CYP20A1: variants seen among roughly 807,000 people sequenced by gnomAD.
CYP20A1 encodes cytochrome P450 20A1.
A neutral mutation model predicts 61.4 loss-of-function variants in CYP20A1; 61 were observed. The observed-to-expected ratio is 0.99, with a 90% CI of 0.81 to 1.23. CYP20A1 has a LOEUF of 1.23. Among genes scored for constraint, CYP20A1 ranks in the 50% most tolerant of loss-of-function variants. The probability of loss-of-function intolerance (pLI) is 0.00; values close to 1 mark genes in which losing one functional copy is unlikely to be tolerated. For synonymous variants in CYP20A1, 193 were observed against 188.2 expected, an observed-to-expected ratio of 1.03 and a Z score of -0.21; for missense variants, 530 against 542.4, an observed-to-expected ratio of 0.98 and a Z score of 0.23.
rs574952048 is a variant in CYP20A1, at chr2:203,276,899, G to A, written c.680-1674G>A. ...CAGGTAGTGAATATAGATAGAAAAAGGAAAGAGGTCCCAAAACAGCCCTGT... is the reference window on the plus strand; with the variant it reads ...CAGGTAGTGAATATAGATAGAAAAAAGAAAGAGGTCCCAAAACAGCCCTGT... On this transcript the variant is annotated intron_variant, in intron 6 of 12. Transcript: ENST00000356079. Among the ~76,000 whole-genome samples the A allele has an allele frequency of 3.3e-5, 5 of 152,182 alleles. No individual in the cohort carries two copies. The East Asian group carries it at 9.7e-4, about 29-fold the overall frequency.
At chr2:203,241,428 T>C (rs193245038) in intron 1 of CYP20A1, among the ~76,000 whole-genome samples, 46 of 152,330 alleles carry the variant, frequency 3.0e-4, no homozygotes, top group Middle Eastern at 6.8e-3. Context: ...AACTGGTTGC[T>C]ATCTCCCAGA....
At chr2:203,239,251 G>C (rs2066155160) in intron 1 of CYP20A1, 117 bp downstream of exon 1, 1 of 871,814 alleles carries the variant, frequency 1.1e-6, no homozygotes, top group South Asian at 1.4e-5. Context: ...AGGAGGGTTC[G>C]GGTTCGCTCC....
chr2:203,239,098 G>A lies in CYP20A1; in HGVS notation c.36G>A (p.Leu12=), dbSNP rs1220198320. Residue 12 remains leucine (L), a synonymous_variant, in exon 1 of 13, where the codon TTG becomes TTA. Coordinates refer to ENST00000356079, the MANE Select transcript of CYP20A1 (RefSeq NM_177538.3). ...TCGCGATCTTCGCCGTTACCTTCTT[G>A]CTGGCGTTGGTGGGAGCCGTGCTCT... ...LDFAIFAVTF[L]LALVGAVLYL... The A allele has an allele frequency of 1.2e-6, 2 of 1,613,690 alleles. No homozygotes were observed. The highest frequency in any genetic ancestry group is 1.1e-5 in the South Asian group (1 of 91,086).
chr2:203,264,888 C>T (rs1458574358), intron 4 of CYP20A1, among the ~76,000 whole-genome samples: 1 of 152,002 alleles, frequency 6.6e-6, no homozygotes, highest in African/African-American at 2.4e-5. Context: ...TGCCACCACA[C>T]CCGGCTAATT....
intron 11 of CYP20A1, among the ~76,000 whole-genome samples, chr2:203,294,332 G>A (rs1054732556): frequency 1.3e-5 from 2 of 151,814 alleles, no homozygotes; most frequent in African/African-American, 2.4e-5. Context: ...GAGGTCGGGG[G>A]TTTGAGACCA....
intron 4 of CYP20A1, among the ~76,000 whole-genome samples, chr2:203,262,696 T>G (rs1168957860): frequency 6.6e-6 from 1 of 152,082 alleles, no homozygotes; most frequent in Non-Finnish European, 1.5e-5. Flanking sequence ...TTGTTTGTTT[T>G]TTGTTTTTTT....
At chr2:203,254,636 TTG>T (rs1425422703) in intron 4 of CYP20A1, among the ~76,000 whole-genome samples, 1 of 152,158 alleles carries the variant, frequency 6.6e-6, no homozygotes, top group East Asian at 1.9e-4. Context: ...TGGATAGTCT[TTG>T]TGTTTTTTAT....
intron 4 of CYP20A1, among the ~76,000 whole-genome samples, chr2:203,257,980 G>A (rs1197437217): frequency 3.3e-5 from 5 of 152,162 alleles, no homozygotes; most frequent in Non-Finnish European, 5.9e-5. Context: ...TAGCTCACTG[G>A]AGCATCGAAT....
intron 5 of CYP20A1, 61 bp from the exon 6 acceptor site, chr2:203,272,609 C>G: frequency 1.1e-5 from 8 of 758,742 alleles, no homozygotes; most frequent in African/African-American, 1.9e-5. Flanking sequence ...TTACATTGCT[C>G]TGTATTATTT....
At chr2:203,274,952 T>C (rs2067755397) in intron 6 of CYP20A1, among the ~76,000 whole-genome samples, 1 of 152,226 alleles carries the variant, frequency 6.6e-6, no homozygotes, top group Non-Finnish European at 1.5e-5. Flanking sequence ...GGCTGTAACA[T>C]GGGCATAAAT....
At chr2:203,295,359 G>A (rs1037873473) in intron 11 of CYP20A1, among the ~76,000 whole-genome samples, 8 of 152,100 alleles carry the variant, frequency 5.3e-5, no homozygotes, top group African/African-American at 1.2e-4. Context: ...ACAGGCGTGA[G>A]CCACTGTGTC....
At chr2:203,246,948 C>G in intron 3 of CYP20A1, 27 bp downstream of exon 3, 1 of 1,604,426 alleles carries the variant, frequency 6.2e-7, no homozygotes, top group Non-Finnish European at 8.5e-7. Context: ...TTCTAATTAC[C>G]TGATCCTTAC....
intron 1 of CYP20A1, among the ~76,000 whole-genome samples, chr2:203,244,045 A>G (rs2066359837): frequency 6.6e-6 from 1 of 151,954 alleles, no homozygotes. Context: ...CACCCTGCCT[A>G]TCTGCCTAAA....
At chr2:203,283,729 A>G (rs921182629) in intron 8 of CYP20A1, among the ~76,000 whole-genome samples, 18 of 150,048 alleles carry the variant, frequency 1.2e-4, no homozygotes, top group Admixed American at 8.7e-4. Flanking sequence ...TTGTATTTTT[A>G]GTAGAGACAG....
Position 203,300,329 on chromosome 2 carries a change from CTAAGT to C in CYP20A1, c.*3424_*3428del, listed in dbSNP as rs372531070. 9.2e-5 allele frequency among the ~76,000 whole-genome samples: 14 copies of C among 152,264 alleles called. No individual in the cohort carries two copies. In the East Asian group the frequency reaches 2.3e-3, roughly 25 times the overall value. ...AATAAAAGTACTGTTAATATATAAA[CTAAGT>C]TATTCATTCACTGTTTTTCTTCACA... On this transcript the variant is annotated 3_prime_UTR_variant, in exon 13 of 13. Coordinates refer to ENST00000356079, the MANE Select transcript of CYP20A1 (RefSeq NM_177538.3).
chr2:203,294,941 ATTT>A (rs1167546590), intron 11 of CYP20A1, among the ~76,000 whole-genome samples: 4 of 45,434 alleles, frequency 8.8e-5, no homozygotes, highest in South Asian at 9.6e-4. Flanking sequence ...CTTTAAAAAA[ATTT>A]TTTTTTTTTT....
In CYP20A1 at chr2:203,292,302, C is replaced by T. The variant is rs1448840746; in HGVS notation, c.1124C>T (p.Pro375Leu). ...GCCCTTGGTGTGGTACTTCAGGATC[C>T]TAATACTTGGCCATCTCCACACAAG... ...LYALGVVLQD[P>L]NTWPSPHKFD... is the part of the protein sequence containing the mutation. Residue 375 changes from proline to leucine, a missense_variant, in exon 11 of 13, where the codon CCT (proline) becomes CTT (leucine). Pro to Leu is a moderately conservative substitution (Grantham distance 98). Transcript: ENST00000356079. 2 of 1,612,706 alleles carry T rather than the reference C, an allele frequency of 1.2e-6. 1 individual carries two copies. The highest frequency in any genetic ancestry group is 1.7e-6 in the Non-Finnish European group (2 of 1,179,310).
rs2069131194 is a variant in CYP20A1 at position 203,304,144 on chromosome 2, G to A, written c.*7236G>A. Among the ~76,000 whole-genome samples, 1 of 152,074 alleles carries A rather than the reference G, an allele frequency of 6.6e-6. No individual in the cohort carries two copies. Among genetic ancestry groups the A allele is most frequent in the East Asian group, 1.9e-4 (1 of 5,164 alleles). On this transcript the variant is annotated 3_prime_UTR_variant, in exon 13 of 13. Coordinates refer to ENST00000356079, the MANE Select transcript of CYP20A1 (RefSeq NM_177538.3). Reference sequence around the variant, plus strand: ...TGAGGCAGGAGAATGTCTGGGAGGTGGAGGTTGCAGTGTGCCGAGATCGCA... The same window carrying A: ...TGAGGCAGGAGAATGTCTGGGAGGTAGAGGTTGCAGTGTGCCGAGATCGCA...
At position 203,246,907 on chromosome 2, in the gene CYP20A1, A is replaced by G. The variant is rs928420899; in HGVS notation, c.275A>G (p.Asn92Ser). Residue 92 changes from asparagine to serine, a missense_variant, in exon 3 of 13, where the codon AAT becomes AGT. Coordinates refer to ENST00000356079, the MANE Select transcript of CYP20A1 (RefSeq NM_177538.3). ...GTTGATGTACTGAAGCAGCATATCAATCCCAATAAGACATGTAAGTTTAAT... is the reference window on the plus strand; with the variant it reads ...GTTGATGTACTGAAGCAGCATATCAGTCCCAATAAGACATGTAAGTTTAAT... ...GTVDVLKQHINPNKTSDPFET... is the reference protein window; with the variant it reads ...GTVDVLKQHISPNKTSDPFET... The G allele has an allele frequency of 1.2e-6, 2 of 1,612,812 alleles. No individual in the cohort carries two copies. Among genetic ancestry groups the G allele is most frequent in the Middle Eastern group, 1.6e-4 (1 of 6,080 alleles).
Sources: allele counts gnomAD v4.1 joint callset (sites outside exome capture counted in the v4.1 genomes callset), GRCh38; gene constraint gnomAD v4.1.1; transcripts MANE v1.5; gene names NCBI Gene and HGNC (gene_info 2026-07-23, HGNC 2026-07-21).